Variants in ELMOD2 observed in about 807,000 individuals in gnomAD.
ELMOD2 encodes the protein ELMO domain-containing protein 2.
Under a neutral mutation model 41.0 loss-of-function variants are expected in ELMOD2, and 28 were observed. That is an observed-to-expected ratio of 0.68 (90% CI 0.51 to 0.94). ELMOD2 has a LOEUF of 0.94. Ranked by LOEUF, ELMOD2 falls within the 40% of genes least tolerant of loss-of-function variation. The pLI is 0.00. For synonymous variants in ELMOD2, 106 were observed against 107.2 expected, an observed-to-expected ratio of 0.99 and a Z score of 0.07; for missense variants, 333 against 343.1, an observed-to-expected ratio of 0.97 and a Z score of 0.23.
chr4:140,537,334 A>G (rs1392773794), intron 4 of ELMOD2, 78 bp from the exon 5 acceptor site: 1 of 1,253,946 alleles, frequency 8.0e-7, no homozygotes, highest in Non-Finnish European at 1.0e-6. Context: ...TTCTAAATAG[A>G]CATATGAACC....
At position 140,550,372 on chromosome 4, in the gene ELMOD2, A is replaced by G. The variant is rs765573773; in HGVS notation, c.879A>G (p.Val293=). ...LDCNVALTLK[V] Reference sequence around the variant, plus strand: ...GTAATGTAGCACTTACTTTAAAAGTATAAATCATCCACTGTATCTTCTATT... The same window carrying G: ...GTAATGTAGCACTTACTTTAAAAGTGTAAATCATCCACTGTATCTTCTATT... The change falls in exon 9 of 9, where the codon GTA becomes GTG. Residue 293 remains valine (V), a synonymous_variant. Coordinates refer to ENST00000323570, the MANE Select transcript of ELMOD2 (RefSeq NM_153702.4). 4 of 1,597,762 alleles carry G rather than the reference A, an allele frequency of 2.5e-6. No homozygotes were observed. The highest frequency in any genetic ancestry group is 2.3e-5 in the South Asian group (2 of 87,708).
At chr4:140,540,912 T>C (rs1735086640) in intron 6 of ELMOD2, among the ~76,000 whole-genome samples, 1 of 152,206 alleles carries the variant, frequency 6.6e-6, no homozygotes, top group Admixed American at 6.5e-5. Context: ...CTCGGCTCTC[T>C]GATTCTATTT....
At chr4:140,544,340 C>T (rs1437032561) in intron 8 of ELMOD2, among the ~76,000 whole-genome samples, 1 of 152,106 alleles carries the variant, frequency 6.6e-6, no homozygotes, top group Non-Finnish European at 1.5e-5. Flanking sequence ...AACTTTCCTG[C>T]CTTTTCTTAC....
intron 3 of ELMOD2, among the ~76,000 whole-genome samples, chr4:140,528,978 C>A (rs1734656418): frequency 6.6e-6 from 1 of 152,104 alleles, no homozygotes; most frequent in Admixed American, 6.5e-5. Flanking sequence ...TGCAGTTTCC[C>A]AAAGTAACAA....
chr4:140,527,624 G>A, intron 3 of ELMOD2, 130 bp downstream of exon 3: 1 of 691,690 alleles, frequency 1.4e-6, no homozygotes, highest in Admixed American at 3.5e-5. Flanking sequence ...CCCGTTTAGA[G>A]GTAATATTCT....
intron 8 of ELMOD2, among the ~76,000 whole-genome samples, chr4:140,547,571 A>G (rs1302890787): frequency 6.6e-6 from 1 of 152,196 alleles, no homozygotes; most frequent in Non-Finnish European, 1.5e-5. Flanking sequence ...TAATAAAGTT[A>G]TGTCTCAATA....
intron 1 of ELMOD2, chr4:140,525,142 G>T: frequency 8.2e-6 from 2 of 242,930 alleles, no homozygotes; most frequent in Non-Finnish European, 1.6e-5. Flanking sequence ...TTAGCAAAAA[G>T]TGCAAACCAT....
rs1218182469 is a variant in ELMOD2 at position 140,525,411 on chromosome 4, C to T, written c.-9-9C>T. On this transcript the variant is annotated splice_polypyrimidine_tract_variant and intron_variant, in intron 1 of 8. Transcript: ENST00000323570. ...CATTAAGCTTGTCTTGTATGTTTCC[C>T]TCCTCCAGGAAAAAAAAATGTTTAT... 1.9e-6 allele frequency: 3 copies of T among 1,610,544 alleles called. No homozygotes were observed. Among genetic ancestry groups the T allele is most frequent in the South Asian group, 2.2e-5 (2 of 90,390 alleles).
At chr4:140,525,667 A>G in intron 2 of ELMOD2, 97 bp downstream of exon 2, 1 of 1,329,712 alleles carries the variant, frequency 7.5e-7, no homozygotes, top group East Asian at 2.7e-5. Flanking sequence ...GTATCCTGAC[A>G]AGTCACTTAA....
At chr4:140,532,557 A>G (rs1336501978) in intron 3 of ELMOD2, among the ~76,000 whole-genome samples, 1 of 152,230 alleles carries the variant, frequency 6.6e-6, no homozygotes, top group East Asian at 1.9e-4. Flanking sequence ...AGATACTGAA[A>G]AACTGTTTTG....
chr4:140,542,233 AC>A (rs2110866680), intron 6 of ELMOD2, among the ~76,000 whole-genome samples: 1 of 151,964 alleles, frequency 6.6e-6, no homozygotes, highest in South Asian at 2.1e-4. Flanking sequence ...GAGTGTCCTA[AC>A]AGGTACATAT....
At chr4:140,538,919 T>C (rs79154543) in intron 5 of ELMOD2, among the ~76,000 whole-genome samples, 17,246 of 152,218 alleles carry the variant, frequency 0.11, 1,087 homozygotes, top group Admixed American at 0.19. Context: ...TACTAGTGGT[T>C]CTACACTGTG....
rs543083342 is a variant in ELMOD2, at chr4:140,539,609, G to C, written c.400-559G>C. On this transcript the variant is annotated intron_variant, in intron 5 of 8. Transcript: ENST00000323570. ...GATCCACCTGCCTCGGCCTCCCAAA[G>C]GGCTGGGATTACAGGCATGAGCCAC... Among the ~76,000 whole-genome samples the C allele has an allele frequency of 6.6e-5, 10 of 152,254 alleles. No individual in the cohort carries two copies. In the East Asian group the frequency reaches 1.9e-3, roughly 29 times the overall value.
At chr4:140,533,672 T>C (rs1734820568) in intron 3 of ELMOD2, among the ~76,000 whole-genome samples, 1 of 152,128 alleles carries the variant, frequency 6.6e-6, no homozygotes, top group African/African-American at 2.4e-5. Context: ...AGGAAAGGAA[T>C]AGGCAGGCCA....
intron 3 of ELMOD2, among the ~76,000 whole-genome samples, chr4:140,531,165 A>G (rs554738008): frequency 7.6e-4 from 115 of 152,302 alleles, no homozygotes; most frequent in African/African-American, 2.7e-3. Context: ...AGCATTACCA[A>G]TGATTGCTGT....
At chr4:140,525,816 A>G (rs1338749169) in intron 2 of ELMOD2, among the ~76,000 whole-genome samples, 1 of 152,226 alleles carries the variant, frequency 6.6e-6, no homozygotes, top group African/African-American at 2.4e-5. Flanking sequence ...GTTATTCCTT[A>G]GATTATAGTT....
intron 3 of ELMOD2, among the ~76,000 whole-genome samples, chr4:140,534,710 C>G (rs1734858471): frequency 6.6e-6 from 1 of 152,084 alleles, no homozygotes; most frequent in African/African-American, 2.4e-5. Flanking sequence ...AGCATGTAAT[C>G]AGTAATGTGC....
In ELMOD2 at chr4:140,552,969, G is replaced by A. The variant is rs956763444; in HGVS notation, c.*2594G>A. 6.6e-6 allele frequency: 1 copy of A among 152,086 alleles called. No individual in the cohort carries two copies. Among genetic ancestry groups the A allele is most frequent in the Non-Finnish European group, 1.5e-5 (1 of 67,982 alleles). The allele number at this position is 152,086 out of a possible 1,614,324, so 9.4% of individuals were successfully genotyped here. ...GTGATGTAGCTAGATATAAAAATCA[G>A]TGTCTTACTGGCACCATTTACAGTT... is the stretch of plus-strand genomic sequence containing the variant. On this transcript the variant is annotated 3_prime_UTR_variant, in exon 9 of 9. Coordinates refer to ENST00000323570, the MANE Select transcript of ELMOD2 (RefSeq NM_153702.4).
At chr4:140,533,005 A>T (rs937960201) in intron 3 of ELMOD2, among the ~76,000 whole-genome samples, 3 of 152,230 alleles carry the variant, frequency 2.0e-5, no homozygotes, top group Non-Finnish European at 4.4e-5. Context: ...TCCAGAAAAC[A>T]TAAAATATTC....
Sources: allele counts gnomAD v4.1 joint callset (sites outside exome capture counted in the v4.1 genomes callset), GRCh38; gene constraint gnomAD v4.1.1; transcripts MANE v1.5; gene names NCBI Gene and HGNC (gene_info 2026-07-23, HGNC 2026-07-21).